ADAMTS7: variants seen among roughly 807,000 people sequenced by gnomAD.
ADAMTS7 encodes the protein ADAM metallopeptidase with thrombospondin type 1 motif 7.
Under a neutral mutation model 172.6 loss-of-function variants are expected in ADAMTS7, and 89 were observed. The ratio of observed to expected loss-of-function variants is 0.52; its 90% CI spans 0.43 to 0.61. The LOEUF is 0.61. ADAMTS7 is among the 20% of genes least tolerant of loss of function. The probability of loss-of-function intolerance (pLI) is 0.00; values close to 1 mark genes in which losing one functional copy is unlikely to be tolerated. For missense variants in ADAMTS7, 1,973 were observed against 2,355.6 expected, an observed-to-expected ratio of 0.84 and a Z score of 3.36; for synonymous variants, 885 against 978.4, an observed-to-expected ratio of 0.90 and a Z score of 1.78.
intron 14 of ADAMTS7, among the ~76,000 whole-genome samples, chr15:78,772,134 T>C (rs749407833): frequency 2.0e-5 from 3 of 152,126 alleles, no homozygotes; most frequent in Non-Finnish European, 2.9e-5. Flanking sequence ...AAAACCAAAG[T>C]GCCCAGGCCT....
Position 78,790,764 on chromosome 15 carries a change from T to G in ADAMTS7, c.934A>C (p.Asn312His), listed in dbSNP as rs770572512. ...EDLKITHHAD[N>H]TLKSFCKWQK... ...CACTTGCAGAAGCTCTTCAGGGTGT[T>G]GTCTGCATGGTGCGTGATCTTTAGG... The change falls in exon 6 of 24, where the codon AAC (asparagine) becomes CAC (histidine). Residue 312 changes from asparagine (N) to histidine (H), a missense_variant. Physicochemically the swap from Asn to His is moderately conservative, Grantham distance 68. Coordinates refer to ENST00000388820, the MANE Select transcript of ADAMTS7 (RefSeq NM_014272.5). 43 of 1,613,788 alleles carry G rather than the reference T, an allele frequency of 2.7e-5. No individual in the cohort carries two copies. The highest frequency in any genetic ancestry group is 3.4e-5 in the Non-Finnish European group (40 of 1,179,954).
At chr15:78,793,749 C>A (rs957427344) in intron 4 of ADAMTS7, among the ~76,000 whole-genome samples, 1 of 152,218 alleles carries the variant, frequency 6.6e-6, no homozygotes, top group South Asian at 2.1e-4. Flanking sequence ...AAATAAACAT[C>A]TGATCCCGAG....
chr15:78,794,298 A>G (rs747660134), intron 4 of ADAMTS7, among the ~76,000 whole-genome samples: 1 of 152,212 alleles, frequency 6.6e-6, no homozygotes, highest in Non-Finnish European at 1.5e-5. Context: ...GTGGGTGTTG[A>G]ACACTGCACA....
intron 8 of ADAMTS7, among the ~76,000 whole-genome samples, chr15:78,786,441 C>T (rs565668090): frequency 1.3e-5 from 2 of 152,298 alleles, no homozygotes; most frequent in South Asian, 2.1e-4. Flanking sequence ...GAGTAAGGGA[C>T]AGGAGAGCAC....
chr15:78,793,634 T>C (rs2055608793), intron 4 of ADAMTS7, among the ~76,000 whole-genome samples: 1 of 152,204 alleles, frequency 6.6e-6, no homozygotes, highest in Admixed American at 6.5e-5. Context: ...GAAATATTCC[T>C]TGGGAAATGC....
In ADAMTS7 at chr15:78,763,827, C is replaced by T. The variant is rs1403336153; in HGVS notation, c.4612G>A (p.Gly1538Ser). 1.4e-5 allele frequency: 22 copies of T among 1,583,114 alleles called. No homozygotes were observed. The highest frequency in any genetic ancestry group is 3.6e-5 in the Admixed American group (2 of 55,634). The change falls in exon 22 of 24, where the codon GGT becomes AGT. Residue 1538 changes from glycine (G) to serine (S), a missense_variant. Gly to Ser is a moderately conservative substitution (Grantham distance 56, BLOSUM62 0). Coordinates refer to ENST00000388820, the MANE Select transcript of ADAMTS7 (RefSeq NM_014272.5). ...GTCACTAGACGCTGCTGCTCACCAC[C>T]GCCACAGGCCTCGGAGCACTGGGTG... ...SWRECSEACG[G>S]GEQQRLVTCP... is the part of the protein sequence containing the mutation.
chr15:78,788,203 T>C (rs749107660), intron 8 of ADAMTS7, 28 bp downstream of exon 8: 1 of 1,612,022 alleles, frequency 6.2e-7, no homozygotes, highest in African/African-American at 1.3e-5. Flanking sequence ...TGGATCAAGG[T>C]ATAGGGGCCC....
intron 1 of ADAMTS7, among the ~76,000 whole-genome samples, chr15:78,806,099 C>CAA (rs1384974160): frequency 9.4e-3 from 96 of 10,220 alleles, no homozygotes; most frequent in African/African-American, 0.021. Context: ...AAAACACACA[C>CAA]ACACACACAC....
intron 8 of ADAMTS7, among the ~76,000 whole-genome samples, chr15:78,787,391 G>A (rs544023399): frequency 1.3e-5 from 2 of 149,746 alleles, no homozygotes; most frequent in South Asian, 2.1e-4. Flanking sequence ...CGGGCATGGT[G>A]CACCGCTCAT....
In ADAMTS7 at chr15:78,771,559, C is replaced by G; in HGVS notation, c.2376+26G>C. The G allele has an allele frequency of 6.3e-7, 1 of 1,579,000 alleles. No homozygotes were observed. Among genetic ancestry groups the G allele is most frequent in the Non-Finnish European group, 8.6e-7 (1 of 1,168,070 alleles). On this transcript the variant is annotated intron_variant, in intron 15 of 23. Coordinates refer to ENST00000388820, the MANE Select transcript of ADAMTS7 (RefSeq NM_014272.5). The surrounding 1 kb of genome is among the most constrained non-coding windows in gnomAD (Gnocchi z 4.9). Reference sequence around the variant, plus strand: ...CCTGGGGACTCCGCCTCTGCTCCCCCCGCCTGGGCCACGGGAGGCAGGCAC... The same window carrying G: ...CCTGGGGACTCCGCCTCTGCTCCCCGCGCCTGGGCCACGGGAGGCAGGCAC...
At position 78,766,570 on chromosome 15, in the gene ADAMTS7, G is replaced by T. The variant is rs760381800; in HGVS notation, c.3341C>A (p.Thr1114Lys). The T allele has an allele frequency of 6.2e-7, 1 of 1,604,240 alleles. No individual in the cohort carries two copies. Among genetic ancestry groups the T allele is most frequent in the South Asian group, 1.1e-5 (1 of 90,154 alleles). The change falls in exon 19 of 24, where the codon ACA (threonine) becomes AAA (lysine). Residue 1114 changes from threonine to lysine, a missense_variant. Coordinates refer to ENST00000388820, the MANE Select transcript of ADAMTS7 (RefSeq NM_014272.5). ...CTCCTCCTTGGCTGCAGGAGGCTCTGTGGCAGGCACGGGGCTACCCGTGGA... is the reference window on the plus strand; with the variant it reads ...CTCCTCCTTGGCTGCAGGAGGCTCTTTGGCAGGCACGGGGCTACCCGTGGA... ...APSTGSPVPATEPPAAKEEGV... is the reference protein window; with the variant it reads ...APSTGSPVPAKEPPAAKEEGV...
At chr15:78,770,345 A>G (rs2055226622) in intron 16 of ADAMTS7, among the ~76,000 whole-genome samples, 2 of 150,858 alleles carry the variant, frequency 1.3e-5, no homozygotes, top group African/African-American at 2.4e-5. Context: ...CAGATTCCCA[A>G]TTCTGAGACC....
At chr15:78,796,481 G>C (rs2055644603) in intron 4 of ADAMTS7, 109 bp downstream of exon 4, 3 of 1,299,636 alleles carry the variant, frequency 2.3e-6, no homozygotes, top group Admixed American at 4.1e-5. Flanking sequence ...TTGGGGCCTA[G>C]ACCTGGGTCT....
chr15:78,759,507 TG>T lies in ADAMTS7; in HGVS notation c.4974del (p.Thr1659ProfsTer56). The T allele has an allele frequency of 6.3e-7, 1 of 1,596,776 alleles. No homozygotes were observed. On this transcript the variant is annotated frameshift_variant, in exon 24 of 24. Transcript: ENST00000388820. LOFTEE classifies it low-confidence loss of function (END_TRUNC). ...GAGCGGCAGCACTGGGTGCGGATGGTGGGCAGCTGGCAGCGGCCCAGTAGGC... is the reference window on the plus strand; with the variant it reads ...GAGCGGCAGCACTGGGTGCGGATGGTGGCAGCTGGCAGCGGCCCAGTAGGC... ...TLRLLGRCQLPTIRTQCCRSC... is the reference protein window; with the variant it reads ...TLRLLGRCQLXTIRTQCCRSC...
chr15:78,773,404 G>A (rs1348823409), intron 13 of ADAMTS7, among the ~76,000 whole-genome samples: 1 of 151,722 alleles, frequency 6.6e-6, no homozygotes, highest in African/African-American at 2.4e-5. Context: ...TCAGATGTGA[G>A]ACGGGGAGAC....
chr15:78,776,405 A>G, intron 10 of ADAMTS7, 72 bp from the exon 11 acceptor site: 1 of 1,547,336 alleles, frequency 6.5e-7, no homozygotes, highest in Non-Finnish European at 8.7e-7. Flanking sequence ...AGTGAGAACA[A>G]GGTGGGTGGG....
intron 8 of ADAMTS7, among the ~76,000 whole-genome samples, chr15:78,782,787 C>A (rs1308019768): frequency 6.6e-6 from 1 of 151,908 alleles, no homozygotes; most frequent in Non-Finnish European, 1.5e-5. Context: ...GCCAGGAGGG[C>A]TGAAGACAGT....
Position 78,805,810 on chromosome 15 carries a change from G to T in ADAMTS7, c.101-5263C>A, listed in dbSNP as rs115286189. 3.8e-3 allele frequency among the ~76,000 whole-genome samples: 582 copies of T among 152,242 alleles called. 6 individuals are homozygous for T. Among genetic ancestry groups the T allele is most frequent in the African/African-American group, 0.013 (557 of 41,542 alleles). ...TCAAATGGAGAAATGGCCAGACGCA[G>T]TGCCTCACACCTGTAATCGCAGCAT... is the stretch of plus-strand genomic sequence containing the variant. On this transcript the variant is annotated intron_variant, in intron 1 of 23. Transcript: ENST00000388820.
rs2055866453 is a variant in ADAMTS7, at chr15:78,811,440, G to A, written c.-220C>T. ...GCAGAGGCAAAGAAAAGACAAGAGA[G>A]CTAGAAGGAGAGAAAGAAAGAAAGA... is the stretch of plus-strand genomic sequence containing the variant. On this transcript the variant is annotated 5_prime_UTR_variant, in exon 1 of 24. Transcript: ENST00000388820. The A allele has an allele frequency of 5.3e-6, 2 of 379,664 alleles. No individual in the cohort carries two copies. The highest frequency in any genetic ancestry group is 4.2e-5 in the African/African-American group (2 of 47,542). The allele number at this position is 379,664 out of a possible 1,614,324, so 23.5% of individuals were successfully genotyped here.
Sources: gnomAD v4.1 joint callset for allele counts (sites outside exome capture counted in the v4.1 genomes callset) on GRCh38, gnomAD v4.1.1 for gene constraint, Gnocchi (gnomAD v3.1) non-coding constraint, MANE v1.5 for transcripts, NCBI Gene and HGNC (gene_info 2026-07-23, HGNC 2026-07-21) for gene names.